Variants in PRKN observed in about 807,000 individuals in gnomAD.
The protein encoded by PRKN is E3 ubiquitin-protein ligase parkin.
PRKN carries 56 observed loss-of-function variants against 59.5 expected under a neutral mutation model. The observed-to-expected ratio is 0.94, with a 90% CI of 0.76 to 1.18. The LOEUF (loss-of-function observed/expected upper bound fraction) is 1.18. Ranked by LOEUF, PRKN falls within the 50% of genes most tolerant of loss-of-function variation. The pLI, the probability that PRKN is intolerant of heterozygous loss-of-function variation, is 0.00. For missense variants in PRKN, 657 were observed against 596.4 expected, an observed-to-expected ratio of 1.10 and a Z score of -1.06; for synonymous variants, 250 against 222.1, an observed-to-expected ratio of 1.13 and a Z score of -1.12.
At chr6:162,298,170 G>GGAGAGAGA (rs113066522) in intron 2 of PRKN, among the ~76,000 whole-genome samples, 6 of 148,808 alleles carry the variant, frequency 4.0e-5, no homozygotes, top group African/African-American at 1.2e-4. Context: ...CAGACGGAGG[G>GGAGAGAGA]GAGAGAGAGA....
intron 2 of PRKN, among the ~76,000 whole-genome samples, chr6:162,317,728 C>T (rs1046990612): frequency 6.6e-6 from 1 of 151,870 alleles, no homozygotes; most frequent in Admixed American, 6.6e-5. Context: ...GAGGGTAGAG[C>T]ATTGAAAAGA....
intron 2 of PRKN, among the ~76,000 whole-genome samples, chr6:162,318,264 A>G (rs1242510761): frequency 6.6e-6 from 1 of 152,132 alleles, no homozygotes; most frequent in Non-Finnish European, 1.5e-5. Flanking sequence ...AACGGTGAAT[A>G]ATAATATCAG....
intron 4 of PRKN, among the ~76,000 whole-genome samples, chr6:162,082,058 C>T (rs890474029): frequency 4.6e-5 from 7 of 152,100 alleles, no homozygotes; most frequent in African/African-American, 1.7e-4. Flanking sequence ...GGTCTTTGAT[C>T]TGGTTTGGCT....
chr6:162,689,137 C>T (rs79165749), intron 1 of PRKN, among the ~76,000 whole-genome samples: 5 of 152,294 alleles, frequency 3.3e-5, no homozygotes, highest in Admixed American at 1.3e-4. Context: ...ACAGAACTGT[C>T]GTACAGAGCA....
chr6:161,596,823 T>G (rs891512413), intron 7 of PRKN, among the ~76,000 whole-genome samples: 1 of 152,182 alleles, frequency 6.6e-6, no homozygotes, highest in African/African-American at 2.4e-5. Context: ...GTTCTCTACC[T>G]CTTTCTTCCC....
intron 2 of PRKN, among the ~76,000 whole-genome samples, chr6:162,349,034 TAGTC>T (rs1784518388): frequency 3.3e-5 from 5 of 152,132 alleles, no homozygotes; most frequent in Admixed American, 2.6e-4. Flanking sequence ...TTGAAAGACA[TAGTC>T]AGTCAATAAA....
chr6:161,634,862 A>G (rs146838848), intron 7 of PRKN, among the ~76,000 whole-genome samples: 120 of 152,338 alleles, frequency 7.9e-4, no homozygotes, highest in African/African-American at 2.8e-3. Context: ...AGAAAGGAAG[A>G]GAAGAGTTAA....
At chr6:161,742,059 T>C (rs1027929706) in intron 7 of PRKN, among the ~76,000 whole-genome samples, 1 of 152,138 alleles carries the variant, frequency 6.6e-6, no homozygotes, top group Non-Finnish European at 1.5e-5. Flanking sequence ...AACCTCCGCC[T>C]CCGAGGCTCA....
At chr6:162,251,631 T>A (rs565265618) in intron 3 of PRKN, among the ~76,000 whole-genome samples, 1 of 152,302 alleles carries the variant, frequency 6.6e-6, no homozygotes, top group East Asian at 1.9e-4. Flanking sequence ...CACAATCCCA[T>A]CACAAGAAGA....
intron 7 of PRKN, among the ~76,000 whole-genome samples, chr6:161,609,101 T>C (rs1015853317): frequency 6.6e-6 from 1 of 152,206 alleles, no homozygotes; most frequent in Non-Finnish European, 1.5e-5. Flanking sequence ...TTGGAAACCA[T>C]AGTTTCTGAA....
rs556010295 is a variant in PRKN, at chr6:162,446,057, A to G, written c.8-2584T>C. Reference sequence around the variant, plus strand: ...CATGAAAAATACTAATTACGGAGGAAAAGGTGCTTTTGATACACTTTTAAG... The same window carrying G: ...CATGAAAAATACTAATTACGGAGGAGAAGGTGCTTTTGATACACTTTTAAG... On this transcript the variant is annotated intron_variant, in intron 1 of 11. Transcript: ENST00000366898. Among the ~76,000 whole-genome samples the G allele has an allele frequency of 3.3e-5, 5 of 152,316 alleles. No individual in the cohort carries two copies. The South Asian group carries it at 1.0e-3, about 32-fold the overall frequency.
intron 4 of PRKN, among the ~76,000 whole-genome samples, chr6:162,170,772 A>AGAAG (rs1783234953): frequency 6.6e-6 from 1 of 152,180 alleles, no homozygotes; most frequent in South Asian, 2.1e-4. Context: ...CAGGACCGAA[A>AGAAG]GAAGGAAGGA....
At position 161,547,783 on chromosome 6, in the gene PRKN, A is replaced by C. The variant is rs1033573633; in HGVS notation, c.1083+1071T>G. Among the ~76,000 whole-genome samples the C allele has an allele frequency of 6.6e-6, 1 of 152,182 alleles. No homozygotes were observed. Among genetic ancestry groups the C allele is most frequent in the Non-Finnish European group, 1.5e-5 (1 of 68,044 alleles). Reference sequence around the variant, plus strand: ...TCCATCGTCTCCAGGGAGAGTAAACACTTGAGTTTTCATTCTAATGCAATC... The same window carrying C: ...TCCATCGTCTCCAGGGAGAGTAAACCCTTGAGTTTTCATTCTAATGCAATC... On this transcript the variant is annotated intron_variant, in intron 9 of 11. Transcript: ENST00000366898. This position sits in a 1 kb window ranked among gnomAD's most constrained non-coding sequence, Gnocchi z 4.0.
At chr6:162,095,376 G>C (rs1049710639) in intron 4 of PRKN, among the ~76,000 whole-genome samples, 17 of 152,254 alleles carry the variant, frequency 1.1e-4, no homozygotes, top group African/African-American at 4.1e-4. Flanking sequence ...AGAGGTAAAT[G>C]TTGGCTTGGA....
intron 5 of PRKN, among the ~76,000 whole-genome samples, chr6:161,996,434 G>A (rs1048679900): frequency 3.3e-5 from 5 of 152,128 alleles, no homozygotes; most frequent in Middle Eastern, 3.4e-3. Flanking sequence ...TTTAAACCCC[G>A]CTTATTTTCT....
intron 1 of PRKN, among the ~76,000 whole-genome samples, chr6:162,542,820 C>T (rs923881726): frequency 6.6e-6 from 1 of 152,182 alleles, no homozygotes; most frequent in African/African-American, 2.4e-5. Flanking sequence ...CAGAGCACAG[C>T]ACTCGCGCAA....
At position 161,447,618 on chromosome 6, in the gene PRKN, C is replaced by T. The variant is rs367938691; in HGVS notation, c.1084-60741G>A. Among the ~76,000 whole-genome samples the T allele has an allele frequency of 2.0e-5, 3 of 152,180 alleles. No homozygotes were observed. Among genetic ancestry groups the T allele is most frequent in the African/African-American group, 2.4e-5 (1 of 41,516 alleles). On this transcript the variant is annotated intron_variant, in intron 9 of 11. Transcript: ENST00000366898. This position sits in a 1 kb window ranked among gnomAD's most constrained non-coding sequence, Gnocchi z 4.1. The stretch of plus-strand genomic sequence containing the variant: ...AAGCGATGCTCCTGCCTCAGCCTCC[C>T]GAGTAGCTGGGACTACAGGCATGCA...
chr6:162,502,097 A>G (rs1378362218), intron 1 of PRKN, among the ~76,000 whole-genome samples: 1 of 152,170 alleles, frequency 6.6e-6, no homozygotes, highest in Non-Finnish European at 1.5e-5. Context: ...ATATATGTAC[A>G]CTTCCTCAAA....
chr6:162,253,502 AACTGTT>A (rs1184225958), intron 3 of PRKN, among the ~76,000 whole-genome samples: 1 of 152,194 alleles, frequency 6.6e-6, no homozygotes, highest in Non-Finnish European at 1.5e-5. Flanking sequence ...CAAAATAAAT[AACTGTT>A]ACAGCAACTA....
Sources: allele counts gnomAD v4.1 joint callset (sites outside exome capture counted in the v4.1 genomes callset), GRCh38; gene constraint gnomAD v4.1.1; non-coding constraint Gnocchi (gnomAD v3.1); transcripts MANE v1.5; gene names NCBI Gene and HGNC (gene_info 2026-07-23, HGNC 2026-07-21).